Variants in DLG2 observed in about 807,000 individuals in gnomAD.
The protein encoded by DLG2 is disks large homolog 2.
A neutral mutation model predicts 132.5 loss-of-function variants in DLG2; 45 were observed. The ratio of observed to expected loss-of-function variants is 0.34; its 90% CI spans 0.27 to 0.44. The LOEUF (loss-of-function observed/expected upper bound fraction) is 0.44. DLG2 is among the 20% of genes least tolerant of loss of function. The probability of loss-of-function intolerance (pLI) is 1.00; values close to 1 mark genes in which losing one functional copy is unlikely to be tolerated. For missense variants in DLG2, 1,045 were observed against 1,196.9 expected (o/e 0.87, Z 1.87); for synonymous variants, 424 against 419.6 (o/e 1.01, Z -0.13).
At chr11:85,514,534 G>A (rs1323816356) in intron 3 of DLG2, among the ~76,000 whole-genome samples, 1 of 151,904 alleles carries the variant, frequency 6.6e-6, no homozygotes, top group Non-Finnish European at 1.5e-5. Context: ...GATTCTTACA[G>A]CACTTTTTGG....
At chr11:83,904,470 T>C (rs929725410) in intron 15 of DLG2, among the ~76,000 whole-genome samples, 2 of 152,174 alleles carry the variant, frequency 1.3e-5, no homozygotes, top group African/African-American at 4.8e-5. Flanking sequence ...GCTTAAATAA[T>C]GATCTTATAA....
intron 6 of DLG2, among the ~76,000 whole-genome samples, chr11:84,589,832 T>C (rs566619769): frequency 1.2e-4 from 18 of 152,258 alleles, no homozygotes; most frequent in Non-Finnish European, 2.5e-4. Flanking sequence ...TCACCAAATA[T>C]ACATGGAAAT....
intron 6 of DLG2, among the ~76,000 whole-genome samples, chr11:84,955,179 T>C (rs924942596): frequency 3.9e-5 from 6 of 152,240 alleles, no homozygotes; most frequent in African/African-American, 1.4e-4. Context: ...TTGTTTTACA[T>C]TGCAGTATTT....
intron 6 of DLG2, among the ~76,000 whole-genome samples, chr11:84,586,744 A>T (rs2099530981): frequency 1.3e-5 from 2 of 151,886 alleles, no homozygotes; most frequent in South Asian, 4.1e-4. Context: ...TCCTCTACTA[A>T]TTTGACATTT....
At chr11:84,152,044 T>A (rs1424198783) in intron 9 of DLG2, among the ~76,000 whole-genome samples, 1 of 152,214 alleles carries the variant, frequency 6.6e-6, no homozygotes, top group Non-Finnish European at 1.5e-5. Flanking sequence ...GAATATTATG[T>A]AGATGTTTAT....
intron 8 of DLG2, among the ~76,000 whole-genome samples, chr11:84,169,595 A>G (rs2095764904): frequency 6.6e-6 from 1 of 152,182 alleles, no homozygotes; most frequent in African/African-American, 2.4e-5. Context: ...TATTTTGGCC[A>G]TGCGTGGTGG....
intron 7 of DLG2, among the ~76,000 whole-genome samples, chr11:84,257,907 G>A (rs2097500543): frequency 1.3e-5 from 2 of 151,768 alleles, no homozygotes; most frequent in South Asian, 2.1e-4. Context: ...GGCTGGTCTC[G>A]AACTCCTAGA....
chr11:85,141,965 G>A (rs926290630), intron 5 of DLG2, among the ~76,000 whole-genome samples: 1 of 151,816 alleles, frequency 6.6e-6, no homozygotes, highest in African/African-American at 2.4e-5. Flanking sequence ...TAGCTCTGTA[G>A]TATAATTTAA....
At chr11:84,251,907 G>A (rs1248968421) in intron 7 of DLG2, among the ~76,000 whole-genome samples, 1 of 151,502 alleles carries the variant, frequency 6.6e-6, no homozygotes, top group Non-Finnish European at 1.5e-5. Flanking sequence ...CAAAGTGCTG[G>A]GATTATAGGC....
intron 6 of DLG2, among the ~76,000 whole-genome samples, chr11:84,715,736 T>G (rs545283622): frequency 1.3e-5 from 2 of 152,132 alleles, no homozygotes; most frequent in East Asian, 1.9e-4. Flanking sequence ...TTCTAATTTA[T>G]AGAATAGATA....
chr11:83,811,574 C>G (rs549511079), intron 17 of DLG2, among the ~76,000 whole-genome samples: 31 of 152,060 alleles, frequency 2.0e-4, no homozygotes, highest in African/African-American at 7.2e-4. Flanking sequence ...GTAAAATTCA[C>G]GACATTTGCT....
intron 8 of DLG2, among the ~76,000 whole-genome samples, chr11:84,180,189 T>C (rs1328241480): frequency 1.3e-5 from 2 of 151,998 alleles, no homozygotes; most frequent in African/African-American, 4.8e-5. Flanking sequence ...AGAGATACAT[T>C]CTAGGAAGGA....
intron 19 of DLG2, among the ~76,000 whole-genome samples, chr11:83,565,085 T>A (rs1039103197): frequency 6.6e-6 from 1 of 152,202 alleles, no homozygotes; most frequent in Non-Finnish European, 1.5e-5. Context: ...ACTAGCATAG[T>A]TCCTGGTACA....
At chr11:84,729,055 T>C (rs924785893) in intron 6 of DLG2, among the ~76,000 whole-genome samples, 1 of 152,130 alleles carries the variant, frequency 6.6e-6, no homozygotes, top group African/African-American at 2.4e-5. Context: ...ATTCATTGAT[T>C]TTTTGAAGGT....
intron 6 of DLG2, among the ~76,000 whole-genome samples, chr11:84,951,488 A>G (rs1334939866): frequency 1.3e-5 from 2 of 152,036 alleles, no homozygotes; most frequent in African/African-American, 4.8e-5. Flanking sequence ...CATAAACAGA[A>G]ATAAAATGTT....
chr11:85,553,206 T>C (rs1289550280), intron 3 of DLG2, among the ~76,000 whole-genome samples: 1 of 151,780 alleles, frequency 6.6e-6, no homozygotes, highest in South Asian at 2.1e-4. Context: ...AATAGAATAA[T>C]ATCTGCAAAA....
intron 18 of DLG2, among the ~76,000 whole-genome samples, chr11:83,770,107 G>A (rs1323786757): frequency 6.6e-6 from 1 of 151,970 alleles, no homozygotes; most frequent in African/African-American, 2.4e-5. Context: ...TATCACCAGG[G>A]CTGTGTGGGT....
intron 16 of DLG2, among the ~76,000 whole-genome samples, chr11:83,866,739 A>G (rs1003815767): frequency 2.0e-5 from 3 of 152,146 alleles, no homozygotes; most frequent in Non-Finnish European, 4.4e-5. Context: ...ATGTCCAGAA[A>G]ATAGGGAGTA....
intron 3 of DLG2, among the ~76,000 whole-genome samples, chr11:85,517,138 T>C (rs1293284355): frequency 1.3e-5 from 2 of 152,030 alleles, no homozygotes; most frequent in African/African-American, 4.8e-5. Flanking sequence ...AATCAATAAA[T>C]GTAACTCATC....
Sources: gnomAD v4.1 joint callset for allele counts (sites outside exome capture counted in the v4.1 genomes callset) on GRCh38, gnomAD v4.1.1 for gene constraint, MANE v1.5 for transcripts, NCBI Gene and HGNC (gene_info 2026-07-23, HGNC 2026-07-21) for gene names.